KIF2A: variants seen among roughly 807,000 people sequenced by gnomAD.
KIF2A encodes kinesin-like protein KIF2A.
KIF2A carries 22 observed loss-of-function variants against 100.2 expected under a neutral mutation model. The observed-to-expected ratio is 0.22, with a 90% CI of 0.16 to 0.31. The LOEUF is 0.31. KIF2A is among the 10% of genes least tolerant of loss of function. The pLI, the probability that KIF2A is intolerant of heterozygous loss-of-function variation, is 1.00. For missense variants in KIF2A, 495 were observed against 898.7 expected (o/e 0.55, Z 5.74); for synonymous variants, 268 against 285.9 (o/e 0.94, Z 0.63).
intron 14 of KIF2A, among the ~76,000 whole-genome samples, chr5:62,365,041 C>A (rs1294015728): frequency 6.6e-6 from 1 of 152,022 alleles, no homozygotes; most frequent in Non-Finnish European, 1.5e-5. Context: ...TGTAGTGAGC[C>A]AAGATTGCGC....
chr5:62,372,628 G>T (rs1741375035), intron 17 of KIF2A, 77 bp downstream of exon 17: 3 of 845,668 alleles, frequency 3.5e-6, no homozygotes, highest in Non-Finnish European at 5.5e-6. Flanking sequence ...CATTTCATTT[G>T]CTATTTTTGT....
chr5:62,373,646 A>G (rs1450659878), intron 17 of KIF2A, 41 bp from the exon 18 acceptor site: 1 of 1,492,886 alleles, frequency 6.7e-7, no homozygotes, highest in Non-Finnish European at 9.3e-7. Context: ...GTTCCTCTGC[A>G]TGAGTGTTTT....
chr5:62,328,680 G>A (rs534998359), intron 1 of KIF2A, among the ~76,000 whole-genome samples: 2 of 151,934 alleles, frequency 1.3e-5, no homozygotes, highest in Non-Finnish European at 2.9e-5. Context: ...TAGTAGAGAC[G>A]GGGTTTCTCC....
At chr5:62,333,866 C>A (rs748121729) in intron 1 of KIF2A, among the ~76,000 whole-genome samples, 13 of 152,100 alleles carry the variant, frequency 8.5e-5, no homozygotes, top group Non-Finnish European at 1.8e-4. Context: ...CTTATTCAGG[C>A]CCCACACCTC....
At chr5:62,330,689 T>C (rs746405436) in intron 1 of KIF2A, among the ~76,000 whole-genome samples, 7 of 152,204 alleles carry the variant, frequency 4.6e-5, no homozygotes, top group Non-Finnish European at 1.0e-4. Flanking sequence ...AGGAGATAAC[T>C]AGATTTTATT....
intron 1 of KIF2A, among the ~76,000 whole-genome samples, chr5:62,318,160 G>A (rs1363587305): frequency 6.6e-6 from 1 of 151,936 alleles, no homozygotes; most frequent in Non-Finnish European, 1.5e-5. Flanking sequence ...TCAGCTCACT[G>A]CAACCTCCAA....
At chr5:62,331,889 C>T (rs1746673754) in intron 1 of KIF2A, among the ~76,000 whole-genome samples, 1 of 151,934 alleles carries the variant, frequency 6.6e-6, no homozygotes, top group South Asian at 2.1e-4. Flanking sequence ...TAACGTTCTA[C>T]TACTATATTT....
intron 1 of KIF2A, among the ~76,000 whole-genome samples, chr5:62,320,963 T>C (rs976370178): frequency 1.3e-5 from 2 of 152,204 alleles, no homozygotes; most frequent in Admixed American, 6.5e-5. Context: ...CTTTAGTATC[T>C]GCCATTAATC....
intron 1 of KIF2A, among the ~76,000 whole-genome samples, chr5:62,328,416 T>C (rs773518234): frequency 3.3e-5 from 5 of 151,948 alleles, no homozygotes; most frequent in African/African-American, 4.8e-5. Context: ...TCTTTACAAG[T>C]GGTTTTGGAC....
intron 1 of KIF2A, among the ~76,000 whole-genome samples, chr5:62,338,361 T>C (rs906918828): frequency 6.6e-6 from 1 of 152,222 alleles, no homozygotes; most frequent in Non-Finnish European, 1.5e-5. Flanking sequence ...CAATCTTGGC[T>C]CACTTCAACC....
At chr5:62,377,597 A>T in intron 18 of KIF2A, 64 bp from the exon 19 acceptor site, 1 of 873,086 alleles carries the variant, frequency 1.1e-6, no homozygotes, top group Non-Finnish European at 1.7e-6. Context: ...AATTAAAAAA[A>T]ACTACTTTTA....
intron 1 of KIF2A, among the ~76,000 whole-genome samples, chr5:62,343,661 CAG>C (rs1184090846): frequency 6.6e-6 from 1 of 152,154 alleles, no homozygotes; most frequent in Non-Finnish European, 1.5e-5. Context: ...GGAGAACAGA[CAG>C]AGGGCAGATA....
At chr5:62,333,524 GCAGAAGCAGTGTCAGGC>G (rs1292504485) in intron 1 of KIF2A, among the ~76,000 whole-genome samples, 1 of 152,192 alleles carries the variant, frequency 6.6e-6, no homozygotes, top group Non-Finnish European at 1.5e-5. Flanking sequence ...AGATCACGCT[GCAGAAGCAGTGTCAGGC>G]TGAGGACACA....
At chr5:62,334,908 A>G (rs1746857643) in intron 1 of KIF2A, among the ~76,000 whole-genome samples, 1 of 152,132 alleles carries the variant, frequency 6.6e-6, no homozygotes. Flanking sequence ...GCCTCGGCCC[A>G]CTGGGCTTGG....
intron 1 of KIF2A, chr5:62,308,400 C>CAT (rs1745410698): frequency 7.4e-7 from 1 of 1,351,696 alleles, no homozygotes; most frequent in Admixed American, 2.0e-5. Context: ...CCCTGGTATA[C>CAT]ACCCAAGGGA....
At chr5:62,331,464 TG>T (rs1328194621) in intron 1 of KIF2A, among the ~76,000 whole-genome samples, 3 of 152,004 alleles carry the variant, frequency 2.0e-5, no homozygotes, top group Non-Finnish European at 4.4e-5. Flanking sequence ...GGCATATGCC[TG>T]TAATCCCAGC....
intron 1 of KIF2A, among the ~76,000 whole-genome samples, chr5:62,346,552 C>T (rs369418704): frequency 2.6e-5 from 4 of 152,068 alleles, no homozygotes; most frequent in Non-Finnish European, 5.9e-5. Flanking sequence ...CCAGCCTGCG[C>T]GATATGGTGA....
At chr5:62,344,231 C>T (rs1747438998) in intron 1 of KIF2A, among the ~76,000 whole-genome samples, 1 of 151,856 alleles carries the variant, frequency 6.6e-6, no homozygotes, top group Admixed American at 6.6e-5. Context: ...TGTAGTCTAG[C>T]TACTCAGGAG....
At chr5:62,363,513 G>A (rs373635352) in intron 13 of KIF2A, among the ~76,000 whole-genome samples, 182 bp from the exon 14 acceptor site, 17 of 152,206 alleles carry the variant, frequency 1.1e-4, no homozygotes, top group African/African-American at 2.9e-4. Flanking sequence ...GAAATATGCC[G>A]GATTAAATTG....
Sources: allele counts gnomAD v4.1 joint callset (sites outside exome capture counted in the v4.1 genomes callset), GRCh38; gene constraint gnomAD v4.1.1; transcripts MANE v1.5; gene names NCBI Gene and HGNC (gene_info 2026-07-23, HGNC 2026-07-21).